SCAP: variants seen among roughly 807,000 people sequenced by gnomAD.
The protein encoded by SCAP is sterol regulatory element-binding protein cleavage-activating protein.
SCAP carries 65 observed loss-of-function variants against 123.6 expected under a neutral mutation model. The ratio of observed to expected loss-of-function variants is 0.53; its 90% CI spans 0.43 to 0.65. SCAP has a LOEUF of 0.65. SCAP is among the 30% of genes least tolerant of loss of function. The pLI is 0.00. For missense variants in SCAP, 1,398 were observed against 1,712.5 expected (o/e 0.82, Z 3.24); for synonymous variants, 740 against 726.3 (o/e 1.02, Z -0.30).
At chr3:47,474,996 C>G (rs777984970) in intron 1 of SCAP, among the ~76,000 whole-genome samples, 1 of 152,172 alleles carries the variant, frequency 6.6e-6, no homozygotes, top group South Asian at 2.1e-4. Context: ...AAGAAACACA[C>G]GCAACGCTAA....
At position 47,413,828 on chromosome 3, in the gene SCAP, C is replaced by A; in HGVS notation, c.*26G>T. Reference sequence around the variant, plus strand: ...TGGCCCCCACACAGCACCCCAGCCTCCTGCCTGGGCAAGGAGGCCCTGCGC... The same window carrying A: ...TGGCCCCCACACAGCACCCCAGCCTACTGCCTGGGCAAGGAGGCCCTGCGC... On this transcript the variant is annotated 3_prime_UTR_variant, in exon 23 of 23. Coordinates refer to ENST00000265565, the MANE Select transcript of SCAP (RefSeq NM_012235.4). 6.2e-7 allele frequency: 1 copy of A among 1,604,130 alleles called. No individual in the cohort carries two copies. Among genetic ancestry groups the A allele is most frequent in the Non-Finnish European group, 8.5e-7 (1 of 1,174,240 alleles).
intron 9 of SCAP, among the ~76,000 whole-genome samples, 197 bp downstream of exon 9, chr3:47,423,736 G>A (rs1266577045): frequency 3.9e-5 from 6 of 152,224 alleles, no homozygotes; most frequent in African/African-American, 1.4e-4. Context: ...ACGAAGTACA[G>A]TCCAATGGCC....
chr3:47,458,656 T>C (rs1395239087), intron 1 of SCAP, among the ~76,000 whole-genome samples: 3 of 152,330 alleles, frequency 2.0e-5, no homozygotes, highest in South Asian at 2.1e-4. Flanking sequence ...ACGTGCATAA[T>C]GTCAACCCTC....
intron 1 of SCAP, among the ~76,000 whole-genome samples, chr3:47,445,874 ATT>A (rs35996993): frequency 1.5e-4 from 19 of 122,694 alleles, no homozygotes; most frequent in Admixed American, 2.5e-4. Context: ...CCCTGTCTCA[ATT>A]TTTTTTTTTT....
chr3:47,419,641 G>T lies in SCAP; in HGVS notation c.1627C>A (p.Leu543Ile). ...CTCTGTTCCGTCACCTGGGCAGCGA[G>T]GTAGTTGCGCAGCCCTGCTGGGTCT... ...YTDPAGLRNY[L>I]AAQVTEQSPL... is the part of the protein sequence containing the mutation. Residue 543 changes from leucine to isoleucine, a missense_variant, in exon 13 of 23, where the codon CTC becomes ATC. Physicochemically the swap from Leu to Ile is conservative, Grantham distance 5 (BLOSUM62 2). Around this residue, in one of 7 missense-constraint regions of SCAP, gnomAD observed 828 missense variants for 882.5 expected, o/e 0.94. Transcript: ENST00000265565. This position sits in a 1 kb window ranked among gnomAD's most constrained non-coding sequence, Gnocchi z 5.0. 6.4e-7 allele frequency: 1 copy of T among 1,569,706 alleles called. No individual in the cohort carries two copies. The highest frequency in any genetic ancestry group is 8.6e-7 in the Non-Finnish European group (1 of 1,156,792).
intron 1 of SCAP, among the ~76,000 whole-genome samples, chr3:47,465,776 A>G (rs1707800583): frequency 6.6e-6 from 1 of 152,040 alleles, no homozygotes; most frequent in Non-Finnish European, 1.5e-5. Flanking sequence ...CTCAAAAAAA[A>G]AAAAAGAATA....
Position 47,414,637 on chromosome 3 carries a change from C to T in SCAP, c.3322G>A (p.Asp1108Asn), listed in dbSNP as rs749317735. 1 of 1,613,312 alleles carries T rather than the reference C, an allele frequency of 6.2e-7. No individual in the cohort carries two copies. Residue 1108 changes from aspartate (D) to asparagine (N), a missense_variant, in exon 21 of 23, where the codon GAC (aspartate) becomes AAC (asparagine). By Grantham distance (23) the Asp-to-Asn change is conservative (BLOSUM62 1). Around this residue, in one of 7 missense-constraint regions of SCAP, gnomAD observed 44 missense variants for 64.4 expected, o/e 0.68. Coordinates refer to ENST00000265565, the MANE Select transcript of SCAP (RefSeq NM_012235.4). Reference protein sequence around the residue: ...DHTLRVFRLEDSCCLFTLQGH... With the variant: ...DHTLRVFRLENSCCLFTLQGH... ...TGAAGGGTGAAGAGGCAGCACGAGT[C>T]CTCCAGACGGAACACCTGGGACAGG...
chr3:47,435,311 A>C (rs1446549687), intron 2 of SCAP, among the ~76,000 whole-genome samples, 174 bp from the exon 3 acceptor site: 1 of 152,178 alleles, frequency 6.6e-6, no homozygotes, highest in African/African-American at 2.4e-5. Context: ...TCTAGATTAG[A>C]ATTTTTCAAA....
intron 9 of SCAP, among the ~76,000 whole-genome samples, chr3:47,423,468 A>C (rs914510268): frequency 6.6e-6 from 1 of 152,244 alleles, no homozygotes; most frequent in Non-Finnish European, 1.5e-5. Context: ...ATCACGGCTC[A>C]CTGCAGCTTT....
chr3:47,464,002 A>T (rs1707739070), intron 1 of SCAP, among the ~76,000 whole-genome samples: 1 of 150,952 alleles, frequency 6.6e-6, no homozygotes, highest in African/African-American at 2.4e-5. Flanking sequence ...TGGCTAATTT[A>T]TTTTATTTTA....
chr3:47,413,732 A>T lies in SCAP; in HGVS notation c.*122T>A, dbSNP rs946398636. 50 of 1,331,536 alleles carry T rather than the reference A, an allele frequency of 3.8e-5. No individual in the cohort carries two copies. The East Asian group carries it at 5.6e-4, about 15-fold the overall frequency. The allele number at this position is 1,331,536 out of a possible 1,614,324, so 82.5% of individuals were successfully genotyped here. A position where few individuals can be genotyped will look rare whatever the true frequency, so the allele number is the denominator to read the frequency against. On this transcript the variant is annotated 3_prime_UTR_variant, in exon 23 of 23. Coordinates refer to ENST00000265565, the MANE Select transcript of SCAP (RefSeq NM_012235.4). ...TGATATGGTTTTTTAAAAAAGTTTA[A>T]TATTATTACAGTCAGGAGGCAGCGG... is the stretch of plus-strand genomic sequence containing the variant.
At chr3:47,475,512 G>A (rs1708233860) in intron 1 of SCAP, 1 of 152,282 alleles carries the variant, frequency 6.6e-6, no homozygotes, top group Admixed American at 6.5e-5. Flanking sequence ...GGGATGCGAC[G>A]CCGCGCATCT....
chr3:47,466,417 C>T (rs188227899), intron 1 of SCAP, among the ~76,000 whole-genome samples: 116 of 151,880 alleles, frequency 7.6e-4, no homozygotes, highest in Non-Finnish European at 1.2e-3. Context: ...ATTCTTGAAC[C>T]TTGTTATGAT....
chr3:47,462,403 C>A (rs938954262), intron 1 of SCAP, among the ~76,000 whole-genome samples: 5 of 152,128 alleles, frequency 3.3e-5, no homozygotes, highest in Admixed American at 3.3e-4. Context: ...AGTGAAGCCT[C>A]CATTCTTTCA....
intron 1 of SCAP, among the ~76,000 whole-genome samples, chr3:47,473,358 AATT>A (rs1708143321): frequency 6.6e-6 from 1 of 152,116 alleles, no homozygotes; most frequent in Admixed American, 6.6e-5. Context: ...TATCACCCAG[AATT>A]ATTACTCTGA....
At chr3:47,434,016 G>A (rs775233872) in intron 3 of SCAP, among the ~76,000 whole-genome samples, 2 of 152,222 alleles carry the variant, frequency 1.3e-5, no homozygotes, top group Non-Finnish European at 2.9e-5. Flanking sequence ...ATCAGACCAT[G>A]CATCCTTTGA....
At chr3:47,443,923 C>A (rs1390686904) in intron 1 of SCAP, among the ~76,000 whole-genome samples, 1 of 152,188 alleles carries the variant, frequency 6.6e-6, no homozygotes, top group East Asian at 1.9e-4. Context: ...CAAACAGGAA[C>A]TTGGATATTC....
chr3:47,464,345 C>T (rs1707751133), intron 1 of SCAP, among the ~76,000 whole-genome samples: 2 of 151,324 alleles, frequency 1.3e-5, no homozygotes, highest in Admixed American at 1.3e-4. Flanking sequence ...ATGAGGGTCT[C>T]ACTATGTTGC....
intron 8 of SCAP, among the ~76,000 whole-genome samples, chr3:47,424,691 G>A (rs966852730): frequency 3.3e-5 from 5 of 152,336 alleles, no homozygotes; most frequent in South Asian, 2.1e-4. Flanking sequence ...CAGACGGTAT[G>A]GGGGAGGGTG....
Sources: gnomAD v4.1 joint callset for allele counts (sites outside exome capture counted in the v4.1 genomes callset) on GRCh38, gnomAD v4.1.1 for gene constraint, gnomAD v4.1.1 regional missense constraint, Gnocchi (gnomAD v3.1) non-coding constraint, MANE v1.5 for transcripts, NCBI Gene and HGNC (gene_info 2026-07-23, HGNC 2026-07-21) for gene names.